Variants in ERAP1 observed in about 807,000 individuals in gnomAD.
ERAP1 encodes adipocyte-derived leucine aminopeptidase.
ERAP1 carries 86 observed loss-of-function variants against 103.7 expected under a neutral mutation model. The ratio of observed to expected loss-of-function variants is 0.83; its 90% CI spans 0.70 to 0.99. The LOEUF is 0.99. Among genes scored for constraint, ERAP1 ranks in the 50% least tolerant of loss-of-function variants. The pLI, the probability that ERAP1 is intolerant of heterozygous loss-of-function variation, is 0.00. For missense variants in ERAP1, 1,009 were observed against 1,128.4 expected, an observed-to-expected ratio of 0.89 and a Z score of 1.52; for synonymous variants, 398 against 402.4, an observed-to-expected ratio of 0.99 and a Z score of 0.13.
At chr5:96,927,881 T>C in the ERAP1 span, among the ~76,000 whole-genome samples, 3 of 152,058 alleles carry the variant, frequency 2.0e-5, no homozygotes, top group African/African-American at 7.2e-5. Context: ...TTTTCTCCTA[T>C]TCTGTGAACT....
the ERAP1 span, among the ~76,000 whole-genome samples, chr5:96,862,247 C>T: frequency 6.6e-6 from 1 of 152,310 alleles, no homozygotes; most frequent in South Asian, 2.1e-4. Context: ...CCTCAGCCTC[C>T]CAGAGTGCTG....
upstream of ERAP1, chr5:96,807,982 C>G (rs1462808945): frequency 3.0e-6 from 3 of 985,618 alleles, no homozygotes; most frequent in African/African-American, 5.2e-5. Context: ...CTGAGCGGCG[C>G]TTCGGCCCGA....
At position 96,775,959 on chromosome 5, in the gene ERAP1, A is replaced by G; in HGVS notation, c.*437T>C. ...AGCGGGTCTGGAGGGGTGAGCCGGG[A>G]GAGCTTTAACCCAGTCATCGTCCGG... On this transcript the variant is annotated 3_prime_UTR_variant, in exon 19 of 19. Transcript: ENST00000443439. 9.6e-7 allele frequency: 1 copy of G among 1,044,424 alleles called. No homozygotes were observed. Among genetic ancestry groups the G allele is most frequent in the Non-Finnish European group, 1.2e-6 (1 of 863,124 alleles). The allele number at this position is 1,044,424 out of a possible 1,614,324, so 64.7% of individuals were successfully genotyped here. A position where few individuals can be genotyped will look rare whatever the true frequency, so the allele number is the denominator to read the frequency against.
chr5:96,930,475 G>A, the ERAP1 span, among the ~76,000 whole-genome samples: 1 of 152,106 alleles, frequency 6.6e-6, no homozygotes, highest in African/African-American at 2.4e-5. Flanking sequence ...TGGCCACCCT[G>A]CTCAGCATAA....
the ERAP1 span, among the ~76,000 whole-genome samples, chr5:96,902,008 A>T: frequency 1.3e-5 from 2 of 152,230 alleles, no homozygotes; most frequent in Non-Finnish European, 2.9e-5. Context: ...TTGTTATGGT[A>T]TGAGATTAGG....
chr5:96,840,765 G>T, the ERAP1 span, among the ~76,000 whole-genome samples: 1 of 151,548 alleles, frequency 6.6e-6, no homozygotes, highest in African/African-American at 2.4e-5. Context: ...GAGTGCAGTG[G>T]CATGATCTCG....
In ERAP1 at chr5:96,776,533, A is replaced by G. The variant is rs554933786; in HGVS notation, c.2689T>C (p.Ser897Pro). 123 of 1,613,930 alleles carry G rather than the reference A, an allele frequency of 7.6e-5. No homozygotes were observed. Among genetic ancestry groups the G allele is most frequent in the Middle Eastern group, 1.6e-4 (1 of 6,084 alleles). ...RLEEVKGFFS[S>P]LKENGSQLRC... The stretch of plus-strand genomic sequence containing the variant: ...AGCTGAGAACCATTTTCTTTCAAAG[A>G]GCTGAAGAATCCTTTTACCTTGTGA... The change falls in exon 19 of 19, where the codon TCT (serine) becomes CCT (proline). Residue 897 changes from serine to proline, a missense_variant. Transcript: ENST00000443439.
chr5:96,776,359 G>C lies in ERAP1; in HGVS notation c.*37C>G. Reference sequence around the variant, plus strand: ...AAAATACACTCAACAAAATGTTGGTGATTAGAGATAACAGGAACCTGGCAA... The same window carrying C: ...AAAATACACTCAACAAAATGTTGGTCATTAGAGATAACAGGAACCTGGCAA... On this transcript the variant is annotated 3_prime_UTR_variant, in exon 19 of 19. Transcript: ENST00000443439. 3 of 1,588,646 alleles carry C rather than the reference G, an allele frequency of 1.9e-6. No homozygotes were observed. Among genetic ancestry groups the C allele is most frequent in the Non-Finnish European group, 2.6e-6 (3 of 1,167,270 alleles).
At chr5:96,887,168 T>TA in the ERAP1 span, among the ~76,000 whole-genome samples, 1 of 150,896 alleles carries the variant, frequency 6.6e-6, no homozygotes, top group African/African-American at 2.4e-5. Context: ...TGACTATTTT[T>TA]AACCCATTTT....
rs1561299201 is a variant in ERAP1, at chr5:96,807,884, C to G, written c.-42G>C. On this transcript the variant is annotated 5_prime_UTR_variant, in exon 1 of 19. Transcript: ENST00000443439. ...CCTGGGGTTCTGGGGCCGCCCTCAC[C>G]CTTGCGCCGCCGCCACCACCACTGC... 1 of 986,404 alleles carries G rather than the reference C, an allele frequency of 1.0e-6. No homozygotes were observed. Among genetic ancestry groups the G allele is most frequent in the African/African-American group, 1.7e-5 (1 of 57,266 alleles). The allele number at this position is 986,404 out of a possible 1,614,324, so 61.1% of individuals were successfully genotyped here.
At chr5:96,929,492 T>C in the ERAP1 span, among the ~76,000 whole-genome samples, 1 of 151,628 alleles carries the variant, frequency 6.6e-6, no homozygotes, top group Non-Finnish European at 1.5e-5. Flanking sequence ...TTCCTTCCTT[T>C]CTTTCTTCTT....
the ERAP1 span, among the ~76,000 whole-genome samples, chr5:96,850,281 C>T: frequency 6.8e-4 from 104 of 152,152 alleles, no homozygotes; most frequent in African/African-American, 2.4e-3. Flanking sequence ...ACAGCAAAGG[C>T]AACAACAGAG....
At chr5:96,869,007 T>G in the ERAP1 span, among the ~76,000 whole-genome samples, 1 of 152,004 alleles carries the variant, frequency 6.6e-6, no homozygotes, top group African/African-American at 2.4e-5. Flanking sequence ...TGCCTCAAGA[T>G]GTGTGTTTGC....
chr5:96,765,271 A>G (rs1444986743), intron 19 of ERAP1: 3 of 1,606,130 alleles, frequency 1.9e-6, no homozygotes, highest in Non-Finnish European at 2.6e-6. Flanking sequence ...CTGACAGTCT[A>G]GGACAAAGGC....
intron 19 of ERAP1, chr5:96,767,403 T>C (rs1487472297): frequency 1.3e-6 from 2 of 1,572,298 alleles, no homozygotes; most frequent in South Asian, 1.1e-5. Context: ...TTTACAGATA[T>C]CTATGCTTAA....
In ERAP1 at chr5:96,781,799, CTT is replaced by C. The variant is rs755508525; in HGVS notation, c.2339_2340del (p.Glu780GlyfsTer7). On this transcript the variant is annotated frameshift_variant, in exon 16 of 19. Coordinates refer to ENST00000443439, the MANE Select transcript of ERAP1 (RefSeq NM_001040458.3). LOFTEE classifies it high-confidence loss of function. ...AVFAVGAQST[E>X]GWDFLYSKYQ... ...TATTTACTATAAAGAAAATCCCAGC[CTT>C]CTGTGCTCTGGGCCCCCACAGCAAA... is the stretch of plus-strand genomic sequence containing the variant. 1 of 1,614,008 alleles carries C rather than the reference CTT, an allele frequency of 6.2e-7. No homozygotes were observed. The highest frequency in any genetic ancestry group is 1.3e-5 in the African/African-American group (1 of 74,898).
the ERAP1 span, among the ~76,000 whole-genome samples, chr5:96,894,470 G>C: frequency 1.3e-5 from 2 of 151,890 alleles, no homozygotes; most frequent in African/African-American, 4.8e-5. Flanking sequence ...TGAAGCTTTG[G>C]TCCGTCTAGA....
intron 2 of ERAP1, among the ~76,000 whole-genome samples, chr5:96,802,429 A>T (rs1199614269): frequency 6.6e-6 from 1 of 152,138 alleles, no homozygotes; most frequent in East Asian, 1.9e-4. Flanking sequence ...GTCTGGCAGA[A>T]TATTCCAGTG....
the ERAP1 span, among the ~76,000 whole-genome samples, chr5:96,911,261 C>T: frequency 6.6e-6 from 1 of 152,174 alleles, no homozygotes; most frequent in Non-Finnish European, 1.5e-5. Context: ...ACAATCTCTA[C>T]CATATGGTCA....
Sources: gnomAD v4.1 joint callset for allele counts (sites outside exome capture counted in the v4.1 genomes callset) on GRCh38, gnomAD v4.1.1 for gene constraint, MANE v1.5 for transcripts, NCBI Gene and HGNC (gene_info 2026-07-23, HGNC 2026-07-21) for gene names.